Variants in CACNA1C observed in about 807,000 individuals in gnomAD.
CACNA1C encodes voltage-dependent L-type calcium channel subunit alpha-1C.
A neutral mutation model predicts 229.0 loss-of-function variants in CACNA1C; 30 were observed. That is an observed-to-expected ratio of 0.13 (90% CI 0.10 to 0.18). The LOEUF is 0.18. Among genes scored for constraint, CACNA1C ranks in the 10% least tolerant of loss-of-function variants. The pLI is 1.00. For missense variants in CACNA1C, 1,658 were observed against 2,845.0 expected (o/e 0.58, Z 9.49); for synonymous variants, 1,114 against 1,132.5 (o/e 0.98, Z 0.33).
chr12:2,526,483 C>G (rs2099818701), intron 9 of CACNA1C, among the ~76,000 whole-genome samples: 1 of 152,240 alleles, frequency 6.6e-6, no homozygotes, highest in African/African-American at 2.4e-5. Context: ...GGGCAAGGGC[C>G]TTCCACAACA....
At chr12:2,674,745 CCT>C in intron 39 of CACNA1C, 103 bp downstream of exon 39, 1 of 1,125,082 alleles carries the variant, frequency 8.9e-7, no homozygotes, top group Non-Finnish European at 1.3e-6. Flanking sequence ...GGAAGCATCC[CCT>C]GAGACTTGCT....
At chr12:2,188,977 C>T (rs1383351331) in intron 3 of CACNA1C, among the ~76,000 whole-genome samples, 2 of 151,402 alleles carry the variant, frequency 1.3e-5, no homozygotes, top group Non-Finnish European at 2.9e-5. Context: ...CCTGTAGTCC[C>T]AGCTACTTGG....
chr12:2,376,317 G>A (rs540048116), intron 3 of CACNA1C, among the ~76,000 whole-genome samples: 2 of 152,192 alleles, frequency 1.3e-5, no homozygotes, highest in African/African-American at 4.8e-5. Flanking sequence ...TGTATGTGAG[G>A]ACAAGCGCCC....
At chr12:2,318,366 C>T (rs988397530) in intron 3 of CACNA1C, among the ~76,000 whole-genome samples, 32 of 152,188 alleles carry the variant, frequency 2.1e-4, no homozygotes, top group East Asian at 5.8e-4. Flanking sequence ...AAGGCGACAG[C>T]GGAGAATTCT....
At chr12:2,339,190 G>A (rs769932316) in intron 3 of CACNA1C, among the ~76,000 whole-genome samples, 4 of 152,198 alleles carry the variant, frequency 2.6e-5, no homozygotes, top group African/African-American at 4.8e-5. Flanking sequence ...CTTGGATTCC[G>A]TACAGCATGC....
At chr12:2,363,899 C>T (rs2097648692) in intron 3 of CACNA1C, among the ~76,000 whole-genome samples, 1 of 152,176 alleles carries the variant, frequency 6.6e-6, no homozygotes, top group Admixed American at 6.5e-5. Context: ...GGCAGACCCC[C>T]TGAACAACAG....
At chr12:2,116,333 C>A (rs1040988632) in intron 2 of CACNA1C, among the ~76,000 whole-genome samples, 1 of 151,434 alleles carries the variant, frequency 6.6e-6, no homozygotes, top group Non-Finnish European at 1.5e-5. Flanking sequence ...AAGCCCCTTA[C>A]TTCATCAGAA....
At chr12:2,518,691 C>T (rs971498009) in intron 9 of CACNA1C, among the ~76,000 whole-genome samples, 9 of 151,926 alleles carry the variant, frequency 5.9e-5, no homozygotes, top group East Asian at 1.9e-4. Context: ...ATGGCACATA[C>T]GAGTCACACA....
intron 39 of CACNA1C, chr12:2,676,565 C>CT (rs1249717583): frequency 6.5e-6 from 1 of 154,754 alleles, no homozygotes; most frequent in Non-Finnish European, 1.4e-5. Context: ...GGCACAAAAA[C>CT]TCAATCGGGT....
chr12:2,534,598 C>G (rs769990285), intron 9 of CACNA1C, among the ~76,000 whole-genome samples: 24 of 152,316 alleles, frequency 1.6e-4, no homozygotes, highest in South Asian at 4.2e-4. Context: ...TCACCTCCCC[C>G]ACCCCTGCAG....
chr12:2,310,318 C>G (rs986144911), intron 3 of CACNA1C, among the ~76,000 whole-genome samples: 3 of 150,292 alleles, frequency 2.0e-5, no homozygotes, highest in Non-Finnish European at 4.4e-5. Flanking sequence ...GGGCAACATC[C>G]TGTCCTGTCC....
intron 10 of CACNA1C, among the ~76,000 whole-genome samples, chr12:2,554,700 C>T (rs1302038027): frequency 6.6e-6 from 1 of 152,164 alleles, no homozygotes; most frequent in African/African-American, 2.4e-5. Flanking sequence ...TCCCAGGAGG[C>T]AAAGAGGTCC....
intron 3 of CACNA1C, among the ~76,000 whole-genome samples, chr12:2,334,253 A>G (rs568856068): frequency 6.6e-6 from 1 of 152,354 alleles, no homozygotes; most frequent in Admixed American, 6.5e-5. Flanking sequence ...CCTGAAGTGA[A>G]GGTGCCACAG....
chr12:2,488,082 G>A lies in CACNA1C; in HGVS notation c.916+1820G>A, dbSNP rs1243620829. ...CCTCACTAACAAAATGGGGGAGAGC[G>A]AAATGGTAGAATTCAGCCATCGAGC... On this transcript the variant is annotated intron_variant, in intron 6 of 46. Coordinates refer to ENST00000399655, the MANE Select transcript of CACNA1C (RefSeq NM_000719.7). The surrounding 1 kb of genome is among the most constrained non-coding windows in gnomAD (Gnocchi z 4.0). Among the ~76,000 whole-genome samples, 4 of 152,194 alleles carry A rather than the reference G, an allele frequency of 2.6e-5. No individual in the cohort carries two copies. Among genetic ancestry groups the A allele is most frequent in the African/African-American group, 7.2e-5 (3 of 41,442 alleles).
chr12:2,666,592 G>A lies in CACNA1C; in HGVS notation c.4527-94G>A. 5.6e-6 allele frequency: 4 copies of A among 709,376 alleles called. No individual in the cohort carries two copies. In the Admixed American group the frequency reaches 6.7e-5, roughly 12 times the overall value. The allele number at this position is 709,376 out of a possible 1,614,324, so 43.9% of individuals were successfully genotyped here. A position where few individuals can be genotyped will look rare whatever the true frequency, so the allele number is the denominator to read the frequency against. On this transcript the variant is annotated intron_variant, in intron 36 of 46. Coordinates refer to ENST00000399655, the MANE Select transcript of CACNA1C (RefSeq NM_000719.7). This position sits in a 1 kb window ranked among gnomAD's most constrained non-coding sequence, Gnocchi z 5.3. Reference sequence around the variant, plus strand: ...CCACACTGTGCAGTGTTGCCCATATGAGTGGGCCCTACCCCTCAGGCGCAT... The same window carrying A: ...CCACACTGTGCAGTGTTGCCCATATAAGTGGGCCCTACCCCTCAGGCGCAT...
chr12:2,585,257 T>C lies in CACNA1C; in HGVS notation c.2340-119T>C. On this transcript the variant is annotated intron_variant, in intron 16 of 46. Coordinates refer to ENST00000399655, the MANE Select transcript of CACNA1C (RefSeq NM_000719.7). This position sits in a 1 kb window ranked among gnomAD's most constrained non-coding sequence, Gnocchi z 4.1. ...GCGTCCTGGAGAAAGGAAGATGGAC[T>C]CAGACCCAGGGGATCTGTCCCCTCT... is the stretch of plus-strand genomic sequence containing the variant. The C allele has an allele frequency of 1.0e-6, 1 of 956,648 alleles. No individual in the cohort carries two copies. The highest frequency in any genetic ancestry group is 1.5e-6 in the Non-Finnish European group (1 of 671,152). 59.3% of individuals were successfully genotyped at this position (956,648 alleles called of 1,614,324 possible). A position where few individuals can be genotyped will look rare whatever the true frequency, so the allele number is the denominator to read the frequency against.
chr12:2,404,647 A>C (rs1267487278), intron 3 of CACNA1C, among the ~76,000 whole-genome samples: 3 of 152,158 alleles, frequency 2.0e-5, no homozygotes, highest in Non-Finnish European at 4.4e-5. Flanking sequence ...AGCCAGATGC[A>C]TGGGGGGCCC....
At chr12:2,351,091 G>T (rs2097189455) in intron 3 of CACNA1C, among the ~76,000 whole-genome samples, 1 of 152,224 alleles carries the variant, frequency 6.6e-6, no homozygotes, top group Non-Finnish European at 1.5e-5. Context: ...TCTAATGGAA[G>T]TTTCTTGGCC....
chr12:2,259,034 C>T (rs2079047200), intron 3 of CACNA1C, among the ~76,000 whole-genome samples: 1 of 152,204 alleles, frequency 6.6e-6, no homozygotes, highest in South Asian at 2.1e-4. Flanking sequence ...AAGGCCTTTT[C>T]ATAAGTGGAA....
Sources: gnomAD v4.1 joint callset for allele counts (sites outside exome capture counted in the v4.1 genomes callset) on GRCh38, gnomAD v4.1.1 for gene constraint, Gnocchi (gnomAD v3.1) non-coding constraint, MANE v1.5 for transcripts, NCBI Gene and HGNC (gene_info 2026-07-23, HGNC 2026-07-21) for gene names.